The following MGST1 variants were observed in gnomAD, a reference collection of about 807,000 sequenced individuals.
The protein encoded by MGST1 is glutathione S-transferase 12.
In MGST1, 5 loss-of-function variants were observed where a neutral mutation model predicts 8.9. That is an observed-to-expected ratio of 0.56 (90% CI 0.29 to 1.19). The LOEUF (loss-of-function observed/expected upper bound fraction) is 1.19. Among genes scored for constraint, MGST1 ranks in the 50% most tolerant of loss-of-function variants. The pLI is 0.08. For missense variants in MGST1, 182 were observed against 187.4 expected (o/e 0.97, Z 0.17); for synonymous variants, 54 against 67.8 (o/e 0.80, Z 1.00).
Position 16,363,239 on chromosome 12 carries a change from A to G in MGST1, c.222-556A>G, listed in dbSNP as rs1940078128. 1.3e-5 allele frequency: 2 copies of G among 152,304 alleles called. No homozygotes were observed. Among genetic ancestry groups the G allele is most frequent in the Middle Eastern group, 3.4e-3 (1 of 294 alleles). The allele number at this position is 152,304 out of a possible 1,614,324, so 9.4% of individuals were successfully genotyped here. On this transcript the variant is annotated intron_variant, in intron 3 of 3. Coordinates refer to ENST00000396210, the MANE Select transcript of MGST1 (RefSeq NM_020300.5). The surrounding 1 kb of genome is among the most constrained non-coding windows in gnomAD (Gnocchi z 4.6). ...AAAATTTTACTATATTTGAAAGGCT[A>G]GTTATGTATTCTGTTATTTAGATAT...
chr12:16,442,792 C>CT (rs1389057967), downstream of MGST1, among the ~76,000 whole-genome samples: 29 of 151,042 alleles, frequency 1.9e-4, no homozygotes, highest in African/African-American at 6.1e-4. The surrounding 1 kb of genome is among the most constrained non-coding windows in gnomAD (Gnocchi z 4.5). Flanking sequence ...GCCTTATTGA[C>CT]TTTTTTTTTC....
chr12:16,588,037 TC>T (rs1005781845), intron 4 of MGST1, among the ~76,000 whole-genome samples: 17 of 152,108 alleles, frequency 1.1e-4, no homozygotes, highest in African/African-American at 3.9e-4. Flanking sequence ...TTTGGTATTT[TC>T]CCCCTTTTAT....
intron 4 of MGST1, among the ~76,000 whole-genome samples, chr12:16,528,651 G>T (rs1302429905): frequency 1.3e-5 from 2 of 152,006 alleles, no homozygotes; most frequent in African/African-American, 4.8e-5. Flanking sequence ...CTAGGTAAAA[G>T]GATGGTGGAG....
At chr12:16,535,215 G>A (rs945252131) in intron 4 of MGST1, among the ~76,000 whole-genome samples, 1 of 152,108 alleles carries the variant, frequency 6.6e-6, no homozygotes, top group Admixed American at 6.6e-5. Context: ...TTTACCAATT[G>A]CTCACCCTAG....
chr12:16,370,097 A>T (rs1303741321), intron 3 of MGST1: 1 of 152,220 alleles, frequency 6.6e-6, no homozygotes, highest in African/African-American at 2.4e-5. Context: ...TATAAACTTT[A>T]TGACATTATG....
At chr12:16,390,351 A>G (rs1940540968) in intron 1 of MGST1, among the ~76,000 whole-genome samples, 1 of 152,118 alleles carries the variant, frequency 6.6e-6, no homozygotes, top group South Asian at 2.1e-4. Flanking sequence ...ATATAGGCAA[A>G]CTCATGTCTT....
intron 4 of MGST1, among the ~76,000 whole-genome samples, chr12:16,508,111 C>T (rs1668394443): frequency 6.6e-6 from 1 of 152,132 alleles, no homozygotes; most frequent in Admixed American, 6.5e-5. Flanking sequence ...AGATTATAAG[C>T]AACCTGATGG....
intron 4 of MGST1, among the ~76,000 whole-genome samples, chr12:16,534,088 CTTTTA>C: frequency 6.6e-6 from 1 of 152,110 alleles, no homozygotes; most frequent in East Asian, 1.9e-4. Flanking sequence ...ACTATAGAAT[CTTTTA>C]ACTGAAGGCA....
At chr12:16,490,117 G>T (rs1216393966) in intron 4 of MGST1, among the ~76,000 whole-genome samples, 1 of 151,988 alleles carries the variant, frequency 6.6e-6, no homozygotes, top group Non-Finnish European at 1.5e-5. Flanking sequence ...AAAAAAAGTA[G>T]CTGGGCATGA....
intron 4 of MGST1, among the ~76,000 whole-genome samples, chr12:16,531,488 A>T (rs1941723614): frequency 6.6e-6 from 1 of 152,094 alleles, no homozygotes; most frequent in African/African-American, 2.4e-5. Flanking sequence ...AAATTTCAGA[A>T]GGAAAATTAA....
At chr12:16,501,066 C>A (rs1941502849) in intron 4 of MGST1, among the ~76,000 whole-genome samples, 1 of 145,352 alleles carries the variant, frequency 6.9e-6, no homozygotes. Flanking sequence ...AGATGGTGGC[C>A]ACTGCCAGCC....
chr12:16,496,891 G>A (rs572321855), intron 4 of MGST1, among the ~76,000 whole-genome samples: 2 of 152,230 alleles, frequency 1.3e-5, no homozygotes, highest in East Asian at 3.9e-4. Flanking sequence ...GAGGTTAAAT[G>A]AGACACAAAC....
intron 1 of MGST1, among the ~76,000 whole-genome samples, chr12:16,407,248 A>C (rs1338036262): frequency 1.3e-5 from 2 of 152,208 alleles, no homozygotes; most frequent in African/African-American, 2.4e-5. Context: ...CAAAGTGGGC[A>C]AATGACATAA....
At chr12:16,484,464 T>A (rs1408813129) in intron 4 of MGST1, among the ~76,000 whole-genome samples, 1 of 152,166 alleles carries the variant, frequency 6.6e-6, no homozygotes. Context: ...CACACTGCTG[T>A]AAATAAATAC....
intron 4 of MGST1, among the ~76,000 whole-genome samples, chr12:16,465,511 C>T (rs188259497): frequency 1.3e-4 from 19 of 151,920 alleles, no homozygotes; most frequent in African/African-American, 4.6e-4. Flanking sequence ...CCTGTCAGAT[C>T]AGCTGCAGCA....
At chr12:16,567,758 G>T (rs1306730240) in intron 4 of MGST1, among the ~76,000 whole-genome samples, 1 of 151,968 alleles carries the variant, frequency 6.6e-6, no homozygotes, top group Non-Finnish European at 1.5e-5. Flanking sequence ...TTGGTAAGTT[G>T]GTATTTTAAG....
rs1052877074 is a variant in MGST1, at chr12:16,497,369, A to G, written n.483-92159A>G. ...CAAGCAAAAACAAGCTAGGGAAGCA[A>G]CAGCAGCAAATGGAAAAGGAGCAAA... On this transcript the variant is annotated intron_variant and non_coding_transcript_variant, in intron 4 of 4. Transcript: ENST00000538857. This position sits in a 1 kb window ranked among gnomAD's most constrained non-coding sequence, Gnocchi z 4.4. 1.3e-5 allele frequency among the ~76,000 whole-genome samples: 2 copies of G among 152,174 alleles called. No individual in the cohort carries two copies. The highest frequency in any genetic ancestry group is 2.4e-5 in the African/African-American group (1 of 41,468).
chr12:16,583,146 G>C (rs1051896330), intron 4 of MGST1, among the ~76,000 whole-genome samples: 1 of 151,758 alleles, frequency 6.6e-6, no homozygotes, highest in African/African-American at 2.4e-5. Context: ...TAAAAGAGAA[G>C]AGAGACTGTA....
chr12:16,349,616 C>T (rs575041924), intron 1 of MGST1, among the ~76,000 whole-genome samples: 87 of 152,222 alleles, frequency 5.7e-4, no homozygotes, highest in African/African-American at 1.9e-3. Context: ...CAGGATTTTT[C>T]GGGTCAAGCG....
Sources: allele counts gnomAD v4.1 joint callset (sites outside exome capture counted in the v4.1 genomes callset), GRCh38; gene constraint gnomAD v4.1.1; non-coding constraint Gnocchi (gnomAD v3.1); transcripts MANE v1.5; gene names NCBI Gene and HGNC (gene_info 2026-07-23, HGNC 2026-07-21).